GAB3: variants seen among roughly 807,000 people sequenced by gnomAD.
GAB3 encodes the protein GRB2 associated binding protein 3, also known as GRB2-associated-binding protein 3.
A neutral mutation model predicts 40.4 loss-of-function variants in GAB3; 12 were observed. The ratio of observed to expected loss-of-function variants is 0.30; its 90% CI spans 0.19 to 0.48. The LOEUF (loss-of-function observed/expected upper bound fraction) is 0.48, where lower values mean the gene tolerates loss of function less well. GAB3 is among the 20% of genes least tolerant of loss of function. GAB3 has a pLI of 0.99. For missense variants in GAB3, 381 were observed against 461.9 expected (o/e 0.82, Z 1.61); for synonymous variants, 154 against 176.7 (o/e 0.87, Z 1.02).
chrX:154,718,926 TAAC>T (rs1411912694), intron 1 of GAB3, among the ~76,000 whole-genome samples: 1 of 112,424 alleles, frequency 8.9e-6, no homozygotes, highest in Admixed American at 9.4e-5. Context: ...TATCTTTTAA[TAAC>T]AATATTGGAA....
intron 6 of GAB3, among the ~76,000 whole-genome samples, chrX:154,698,748 G>T (rs908400317): frequency 8.9e-6 from 1 of 111,980 alleles, no homozygotes; most frequent in African/African-American, 3.2e-5. Context: ...AAGCTGCAAG[G>T]CACCCCGTGC....
chrX:154,700,033 G>A lies in GAB3; in HGVS notation c.1096C>T (p.His366Tyr). 3 of 1,209,287 alleles carry A rather than the reference G, an allele frequency of 2.5e-6. No individual in the cohort carries two copies. The highest frequency in any genetic ancestry group is 1.7e-5 in the African/African-American group (1 of 57,610). The change falls in exon 5 of 10, where the codon CAC (histidine) becomes TAC (tyrosine). Residue 366 changes from histidine to tyrosine, a missense_variant. Around this residue, in one of 2 missense-constraint regions of GAB3, gnomAD observed 364 missense variants for 421.0 expected, o/e 0.86. Coordinates refer to ENST00000424127, the MANE Select transcript of GAB3 (RefSeq NM_001081573.3). ...KADVEGQSLRHRDKRLSLNLP... is the reference protein window; with the variant it reads ...KADVEGQSLRYRDKRLSLNLP... ...TTCAAACTAAGCCGCTTGTCTCGGTGTCTTAAGGATTGGCCTTCTACATCA... is the reference window on the plus strand; with the variant it reads ...TTCAAACTAAGCCGCTTGTCTCGGTATCTTAAGGATTGGCCTTCTACATCA...
chrX:154,748,764 A>C (rs782206186), intron 1 of GAB3, among the ~76,000 whole-genome samples: 1 of 112,269 alleles, frequency 8.9e-6, no homozygotes, highest in South Asian at 3.7e-4. Flanking sequence ...AACTGGAATC[A>C]AGTCTTTTTT....
intron 8 of GAB3, among the ~76,000 whole-genome samples, chrX:154,685,060 G>C (rs1335931191): frequency 9.0e-6 from 1 of 111,509 alleles, no homozygotes; most frequent in Non-Finnish European, 1.9e-5. Context: ...TTTGTGCTTA[G>C]TCTGTTTATC....
intron 8 of GAB3, among the ~76,000 whole-genome samples, chrX:154,692,652 G>A (rs782063056): frequency 1.8e-5 from 2 of 111,724 alleles, no homozygotes; most frequent in Non-Finnish European, 3.8e-5. Context: ...GCCGGGCATG[G>A]TGGTACACGC....
At chrX:154,679,483 G>A (rs1407558867) in intron 9 of GAB3, 6 of 199,348 alleles carry the variant, frequency 3.0e-5, no homozygotes, top group African/African-American at 1.2e-4. Flanking sequence ...TTTTTGGAAC[G>A]ATATTAAAAG....
chrX:154,735,885 C>T (rs1557260463), intron 1 of GAB3, among the ~76,000 whole-genome samples: 1 of 112,771 alleles, frequency 8.9e-6, no homozygotes, highest in African/African-American at 3.2e-5. Flanking sequence ...GCCAAGCTCA[C>T]TGCTCTTGGA....
intron 4 of GAB3, among the ~76,000 whole-genome samples, chrX:154,706,308 C>T (rs1385085138): frequency 9.2e-6 from 1 of 108,295 alleles, no homozygotes; most frequent in Non-Finnish European, 1.9e-5. Context: ...CCCAGCTACT[C>T]GGGAGGCTGA....
intron 1 of GAB3, among the ~76,000 whole-genome samples, chrX:154,738,801 C>T (rs1351332518): frequency 8.9e-6 from 1 of 112,171 alleles, no homozygotes; most frequent in East Asian, 2.8e-4. Flanking sequence ...AAAAGGATAT[C>T]TTCAAATACC....
At position 154,738,509 on chromosome X, in the gene GAB3, A is replaced by T. The variant is rs113704133; in HGVS notation, c.72+12445T>A. ...CGATTATTTGGGCAGCATATTATGT[A>T]ACCGGTTTCCTGTCATTGGAAGTGT... On this transcript the variant is annotated intron_variant, in intron 1 of 9. Coordinates refer to ENST00000424127, the MANE Select transcript of GAB3 (RefSeq NM_001081573.3). Among the ~76,000 whole-genome samples the T allele has an allele frequency of 9.3e-3, 1,043 of 112,272 alleles. 17 individuals carry two copies. Among genetic ancestry groups the T allele is most frequent in the African/African-American group, 0.032 (990 of 30,866 alleles).
intron 1 of GAB3, among the ~76,000 whole-genome samples, chrX:154,721,939 G>A (rs1468772632): frequency 3.6e-5 from 4 of 111,490 alleles, no homozygotes; most frequent in Non-Finnish European, 7.5e-5. Flanking sequence ...TAGACCCAAA[G>A]GAAGTGAAAT....
chrX:154,726,624 T>C (rs782651304), intron 1 of GAB3, among the ~76,000 whole-genome samples: 1 of 112,198 alleles, frequency 8.9e-6, no homozygotes, highest in Non-Finnish European at 1.9e-5. Context: ...CAGACCCATA[T>C]AGCCAACCAT....
chrX:154,721,154 T>G (rs1258719279), intron 1 of GAB3, among the ~76,000 whole-genome samples: 1 of 112,511 alleles, frequency 8.9e-6, no homozygotes, highest in Non-Finnish European at 1.9e-5. Flanking sequence ...CAAAGAACTC[T>G]TACAAGTCAA....
intron 1 of GAB3, among the ~76,000 whole-genome samples, chrX:154,726,467 G>A (rs1557259382): frequency 8.9e-6 from 1 of 111,889 alleles, no homozygotes; most frequent in African/African-American, 3.3e-5. Context: ...CTGACTTGGT[G>A]CAGAGGTGCA....
intron 1 of GAB3, among the ~76,000 whole-genome samples, chrX:154,729,662 T>C (rs2071264840): frequency 8.9e-6 from 1 of 112,092 alleles, no homozygotes; most frequent in South Asian, 3.7e-4. Context: ...TGTAACATGC[T>C]ATCAGGGCCT....
In GAB3 at chrX:154,678,145, C is replaced by A; in HGVS notation, c.*33G>T. On this transcript the variant is annotated 3_prime_UTR_variant, in exon 10 of 10. Coordinates refer to ENST00000424127, the MANE Select transcript of GAB3 (RefSeq NM_001081573.3). Reference sequence around the variant, plus strand: ...AAAACTCAAACTGAGCCCCAAGCTTCCCTGTTTCACACATGGCACAAGCCC... The same window carrying A: ...AAAACTCAAACTGAGCCCCAAGCTTACCTGTTTCACACATGGCACAAGCCC... 1 of 776,141 alleles carries A rather than the reference C, an allele frequency of 1.3e-6. No individual in the cohort carries two copies. Among genetic ancestry groups the A allele is most frequent in the Non-Finnish European group, 1.9e-6 (1 of 524,781 alleles). The allele number at this position is 776,141 out of a possible 1,213,427, so 64.0% of individuals were successfully genotyped here.
Position 154,687,213 on chromosome X carries a change from C to CA in GAB3, c.1531-6966dup, listed in dbSNP as rs1354320326. The stretch of plus-strand genomic sequence containing the variant: ...TCTCAAAAAAAAGAAAAAAACAAAA[C>CA]AAAAAAAACAAAAACCAATCTGAGT... On this transcript the variant is annotated intron_variant, in intron 8 of 9. Coordinates refer to ENST00000424127, the MANE Select transcript of GAB3 (RefSeq NM_001081573.3). Among the ~76,000 whole-genome samples the CA allele has an allele frequency of 1.1e-3, 116 of 104,954 alleles. 2 individuals are homozygous for CA. The highest frequency in any genetic ancestry group is 5.7e-4 in the Non-Finnish European group (29 of 50,530). 91.1% of individuals were successfully genotyped at this position (104,954 alleles called of 115,157 possible).
intron 1 of GAB3, among the ~76,000 whole-genome samples, chrX:154,744,733 A>G (rs1208360001): frequency 3.6e-5 from 4 of 112,465 alleles, no homozygotes; most frequent in African/African-American, 1.3e-4. Flanking sequence ...TGACAGAAGA[A>G]TACATATTTT....
chrX:154,692,099 G>A (rs976495149), intron 8 of GAB3, among the ~76,000 whole-genome samples: 3 of 111,580 alleles, frequency 2.7e-5, no homozygotes, highest in Non-Finnish European at 5.7e-5. Flanking sequence ...TCATGACATT[G>A]GATTTGGCAA....
Sources: gnomAD v4.1 joint callset for allele counts (sites outside exome capture counted in the v4.1 genomes callset) on GRCh38, gnomAD v4.1.1 for gene constraint, gnomAD v4.1.1 regional missense constraint, MANE v1.5 for transcripts, NCBI Gene and HGNC (gene_info 2026-07-23, HGNC 2026-07-21) for gene names.